UCK1: variants seen among roughly 807,000 people sequenced by gnomAD.
UCK1 encodes the protein uridine-cytidine kinase 1, also known as cytidine monophosphokinase 1.
A neutral mutation model predicts 34.0 loss-of-function variants in UCK1; 20 were observed. The observed-to-expected ratio is 0.59, with a 90% CI of 0.41 to 0.86. The LOEUF (loss-of-function observed/expected upper bound fraction) is 0.86, where lower values mean the gene tolerates loss of function less well. Among genes scored for constraint, UCK1 ranks in the 40% least tolerant of loss-of-function variants. UCK1 has a pLI of 0.00. For synonymous variants in UCK1, 168 were observed against 155.9 expected, an observed-to-expected ratio of 1.08 and a Z score of -0.58; for missense variants, 343 against 383.6, an observed-to-expected ratio of 0.89 and a Z score of 0.88.
In UCK1 at chr9:131,525,204, C is replaced by T. The variant is rs760332604; in HGVS notation, c.670G>A (p.Val224Met). The T allele has an allele frequency of 1.5e-5, 25 of 1,613,868 alleles. No homozygotes were observed. In the African/African-American group the frequency reaches 1.7e-4, roughly 11 times the overall value. The change falls in exon 7 of 7, where the codon GTG becomes ATG. Residue 224 changes from valine to methionine, a missense_variant. By Grantham distance (21) the Val-to-Met change is conservative (BLOSUM62 1). Transcript: ENST00000372215. ...VDNMVAINLI[V>M]QHIQDILNGD... is the part of the protein sequence containing the mutation. ...TTCAGAATGTCCTGGATGTGCTGCACGATCAGGTTGATGGCAACTGCGCCA... is the reference window on the plus strand; with the variant it reads ...TTCAGAATGTCCTGGATGTGCTGCATGATCAGGTTGATGGCAACTGCGCCA...
In UCK1 at chr9:131,527,452, C is replaced by T. The variant is rs148975443; in HGVS notation, c.604-1475G>A. ...AGATTTGATATCCAGAGTTTTACTG[C>T]GAATCACCTACTTTTTGCCAAATAT... On this transcript the variant is annotated intron_variant, in intron 5 of 6. Coordinates refer to ENST00000372215, the MANE Select transcript of UCK1 (RefSeq NM_031432.5). Among the ~76,000 whole-genome samples, 859 of 152,234 alleles carry T rather than the reference C, an allele frequency of 5.6e-3. 3 individuals carry two copies. The highest frequency in any genetic ancestry group is 8.1e-3 in the Non-Finnish European group (551 of 68,024).
Position 131,529,201 on chromosome 9 carries a change from G to A in UCK1, c.435C>T (p.Ser145=), listed in dbSNP as rs1162456078. ...GGTGGAACATGTCCCGGATCTCCTG[G>A]CTGTAGAACACCAAGATGCCCTCAA... is the stretch of plus-strand genomic sequence containing the variant. The part of the protein sequence containing the change: ...VLFEGILVFY[S]QEIRDMFHLR... Residue 145 remains serine (S), a synonymous_variant, in exon 4 of 7, where the codon AGC becomes AGT. Transcript: ENST00000372215. 1 of 1,614,158 alleles carries A rather than the reference G, an allele frequency of 6.2e-7. No homozygotes were observed. The highest frequency in any genetic ancestry group is 2.2e-5 in the East Asian group (1 of 44,888).
intron 2 of UCK1, among the ~76,000 whole-genome samples, chr9:131,529,826 CCT>C (rs1470581764): frequency 1.3e-5 from 2 of 152,174 alleles, no homozygotes; most frequent in African/African-American, 2.4e-5. Context: ...GCTCTGTGCC[CCT>C]GAGATGCCGG....
intron 5 of UCK1, among the ~76,000 whole-genome samples, chr9:131,526,777 G>A (rs1221222627): frequency 6.6e-6 from 1 of 152,248 alleles, no homozygotes; most frequent in Non-Finnish European, 1.5e-5. Context: ...CCAAGTCCTG[G>A]GGACAGCTGT....
intron 5 of UCK1, among the ~76,000 whole-genome samples, chr9:131,526,827 C>T (rs570936149): frequency 1.7e-3 from 257 of 152,336 alleles, no homozygotes; most frequent in African/African-American, 6.1e-3. Flanking sequence ...AAAGCACGAG[C>T]GCAAGGGCGA....
rs767003399 is a variant in UCK1 at position 131,525,186 on chromosome 9, T to A, written c.688A>T (p.Ile230Phe). Residue 230 changes from isoleucine (I) to phenylalanine (F), a missense_variant, in exon 7 of 7, where the codon ATT becomes TTT. By Grantham distance (21) the Ile-to-Phe change is conservative (BLOSUM62 0). Transcript: ENST00000372215. ...CATTTGCAGATGTCACCATTCAGAA[T>A]GTCCTGGATGTGCTGCACGATCAGG... ...INLIVQHIQD[I>F]LNGDICKWHR... The A allele has an allele frequency of 6.2e-7, 1 of 1,613,974 alleles. No homozygotes were observed.
chr9:131,529,653 T>G (rs1950755048), intron 2 of UCK1, 69 bp from the exon 3 acceptor site: 3 of 1,444,540 alleles, frequency 2.1e-6, no homozygotes. Context: ...GAACCCTCTC[T>G]GCTCTGGGGT....
At chr9:131,529,442 C>T (rs762513936) in intron 3 of UCK1, 46 bp downstream of exon 3, 163 of 1,611,866 alleles carry the variant, frequency 1.0e-4, no homozygotes, top group Non-Finnish European at 1.4e-4. Context: ...GAGGGGACGT[C>T]CTAGCTGGCC....
At chr9:131,528,845 C>T (rs1057362941) in intron 5 of UCK1, 99 bp downstream of exon 5, 29 of 1,418,160 alleles carry the variant, frequency 2.0e-5, no homozygotes, top group Non-Finnish European at 2.7e-5. Flanking sequence ...TTTTTTCAAT[C>T]AGATCACTGT....
At position 131,530,506 on chromosome 9, in the gene UCK1, T is replaced by G. The variant is rs1390365470; in HGVS notation, c.248A>C (p.Gln83Pro). Residue 83 changes from glutamine (Q) to proline (P), a missense_variant, in exon 2 of 7, where the codon CAG becomes CCG. Coordinates refer to ENST00000372215, the MANE Select transcript of UCK1 (RefSeq NM_031432.5). ...AEQKAKALKGQYNFDHPDAFD... is the reference protein window; with the variant it reads ...AEQKAKALKGPYNFDHPDAFD... Reference sequence around the variant, plus strand: ...TTTACCTGGATGGTCAAAATTGTACTGTCCTTTCAAGGCCTTGGCCTTCTG... The same window carrying G: ...TTTACCTGGATGGTCAAAATTGTACGGTCCTTTCAAGGCCTTGGCCTTCTG... 1 of 1,614,146 alleles carries G rather than the reference T, an allele frequency of 6.2e-7. No individual in the cohort carries two copies. Among genetic ancestry groups the G allele is most frequent in the African/African-American group, 1.3e-5 (1 of 74,958 alleles).
chr9:131,528,117 T>C (rs1588534473), intron 5 of UCK1, among the ~76,000 whole-genome samples: 2 of 150,092 alleles, frequency 1.3e-5, no homozygotes, highest in East Asian at 3.9e-4. Context: ...GAGTTTGGAG[T>C]GAGCCGAGAT....
Position 131,531,076 on chromosome 9 carries a change from G to A in UCK1, c.99C>T (p.Ala33=), listed in dbSNP as rs1328333183. The A allele has an allele frequency of 7.1e-7, 1 of 1,409,512 alleles. No individual in the cohort carries two copies. The highest frequency in any genetic ancestry group is 3.2e-5 in the Admixed American group (1 of 31,546). 87.3% of individuals were successfully genotyped at this position (1,409,512 alleles called of 1,614,324 possible). ...CCGCTCGGCCCCTTACCTTCCCGCTGGCAGTGCCGCCGCTCACCCCTATCA... is the reference window on the plus strand; with the variant it reads ...CCGCTCGGCCCCTTACCTTCCCGCTAGCAGTGCCGCCGCTCACCCCTATCA... ...PFLIGVSGGT[A]SGKSTVCEKI... is the part of the protein sequence containing the mutation. The change falls in exon 1 of 7, where the codon GCC becomes GCT. Residue 33 remains alanine, a synonymous_variant. Coordinates refer to ENST00000372215, the MANE Select transcript of UCK1 (RefSeq NM_031432.5).
Position 131,529,138 on chromosome 9 carries a change from C to T in UCK1, c.498G>A (p.Leu166=), listed in dbSNP as rs1303845325. Residue 166 remains leucine, a synonymous_variant, in exon 4 of 7, where the codon CTG becomes CTA. Transcript: ENST00000372215. ...CCGCGGCCGCCTTACCTCTTCGAGACAGCCTGACGTCGGAGTCGGTGTCCA... is the reference window on the plus strand; with the variant it reads ...CCGCGGCCGCCTTACCTCTTCGAGATAGCCTGACGTCGGAGTCGGTGTCCA... The part of the protein sequence containing the change: ...LFVDTDSDVR[L]SRRVLRDVRR... 7.4e-6 allele frequency: 12 copies of T among 1,613,728 alleles called. No homozygotes were observed. The highest frequency in any genetic ancestry group is 2.2e-5 in the East Asian group (1 of 44,890).
At position 131,525,172 on chromosome 9, in the gene UCK1, G is replaced by C; in HGVS notation, c.702C>G (p.Asp234Glu). The change falls in exon 7 of 7, where the codon GAC (aspartate) becomes GAG (glutamate). Residue 234 changes from aspartate (D) to glutamate (E), a missense_variant. Coordinates refer to ENST00000372215, the MANE Select transcript of UCK1 (RefSeq NM_031432.5). ...ACCCTCCTCGGTGCCATTTGCAGAT[G>C]TCACCATTCAGAATGTCCTGGATGT... is the stretch of plus-strand genomic sequence containing the variant. ...VQHIQDILNG[D>E]ICKWHRGGSN... The C allele has an allele frequency of 1.2e-6, 2 of 1,614,150 alleles. No homozygotes were observed. Among genetic ancestry groups the C allele is most frequent in the Non-Finnish European group, 1.7e-6 (2 of 1,180,040 alleles).
At position 131,524,567 on chromosome 9, in the gene UCK1, A is replaced by G. The variant is rs1052880230; in HGVS notation, c.*473T>C. On this transcript the variant is annotated 3_prime_UTR_variant, in exon 7 of 7. Coordinates refer to ENST00000372215, the MANE Select transcript of UCK1 (RefSeq NM_031432.5). ...AACAGAAAACATGAGGACATGTAAC[A>G]TGTAAAAAAGGAAAGTACTTGTTCA... The G allele has an allele frequency of 6.4e-6, 1 of 156,012 alleles. No individual in the cohort carries two copies. The highest frequency in any genetic ancestry group is 1.4e-5 in the Non-Finnish European group (1 of 70,768). 9.7% of individuals were successfully genotyped at this position (156,012 alleles called of 1,614,324 possible). A position where few individuals can be genotyped will look rare whatever the true frequency, so the allele number is the denominator to read the frequency against.
At chr9:131,526,494 A>C in intron 5 of UCK1, 2 of 1,289,642 alleles carry the variant, frequency 1.6e-6, no homozygotes, top group Non-Finnish European at 2.0e-6. Flanking sequence ...ATTCCCTGTC[A>C]GATGCTCTGC....
rs896942484 is a variant in UCK1 at position 131,524,608 on chromosome 9, ATG to A, written c.*430_*431del. ...TACTTGTTCACAAAACTTTTGAGTT[ATG>A]TGTGTGAGTGTGTAAGAACCAGATC... On this transcript the variant is annotated 3_prime_UTR_variant, in exon 7 of 7. Coordinates refer to ENST00000372215, the MANE Select transcript of UCK1 (RefSeq NM_031432.5). 1.4e-5 allele frequency: 2 copies of A among 142,088 alleles called. No individual in the cohort carries two copies. Among genetic ancestry groups the A allele is most frequent in the African/African-American group, 5.0e-5 (2 of 40,132 alleles). 8.8% of individuals were successfully genotyped at this position (142,088 alleles called of 1,614,324 possible). A position where few individuals can be genotyped will look rare whatever the true frequency, so the allele number is the denominator to read the frequency against.
chr9:131,526,253 C>G (rs1308290842), intron 5 of UCK1: 1 of 677,932 alleles, frequency 1.5e-6, no homozygotes, highest in African/African-American at 1.8e-5. Context: ...TTCCAGTGTT[C>G]CCACTCCATT....
At chr9:131,530,700 C>G (rs755822632) in intron 1 of UCK1, 55 bp from the exon 2 acceptor site, 1 of 1,613,908 alleles carries the variant, frequency 6.2e-7, no homozygotes. Context: ...GTGACAGGCA[C>G]GGGGCCGGCT....
Sources: gnomAD v4.1 joint callset for allele counts (sites outside exome capture counted in the v4.1 genomes callset) on GRCh38, gnomAD v4.1.1 for gene constraint, MANE v1.5 for transcripts, NCBI Gene and HGNC (gene_info 2026-07-23, HGNC 2026-07-21) for gene names.